The following RPTOR variants were observed in gnomAD, a reference collection of about 807,000 sequenced individuals.
RPTOR encodes regulatory associated protein of MTOR complex 1.
In RPTOR, 21 loss-of-function variants were observed where a neutral mutation model predicts 169.9. The ratio of observed to expected loss-of-function variants is 0.12; its 90% CI spans 0.09 to 0.18. The LOEUF (loss-of-function observed/expected upper bound fraction) is 0.18. Among genes scored for constraint, RPTOR ranks in the 10% least tolerant of loss-of-function variants. The pLI, the probability that RPTOR is intolerant of heterozygous loss-of-function variation, is 1.00. For synonymous variants in RPTOR, 732 were observed against 753.2 expected (o/e 0.97, Z 0.46); for missense variants, 1,133 against 1,855.9 (o/e 0.61, Z 7.16).
chr17:80,914,931 G>A (rs1448373755), intron 21 of RPTOR, among the ~76,000 whole-genome samples: 1 of 152,232 alleles, frequency 6.6e-6, no homozygotes, highest in Non-Finnish European at 1.5e-5. Context: ...GGAACTTTTA[G>A]TGCTTTTTCC....
chr17:80,764,117 G>GTTATT (rs71164002), intron 6 of RPTOR, among the ~76,000 whole-genome samples: 7,860 of 138,466 alleles, frequency 0.057, 320 homozygotes, highest in Non-Finnish European at 0.083. Flanking sequence ...GACTTCTTTT[G>GTTATT]TTATTTTATT....
At chr17:80,855,240 T>C (rs956123723) in intron 11 of RPTOR, among the ~76,000 whole-genome samples, 4 of 152,254 alleles carry the variant, frequency 2.6e-5, no homozygotes, top group African/African-American at 7.2e-5. Flanking sequence ...ATTTTCTACA[T>C]TGAGCATCTT....
At chr17:80,568,100 G>T (rs776953812) in intron 1 of RPTOR, among the ~76,000 whole-genome samples, 9 of 151,978 alleles carry the variant, frequency 5.9e-5, no homozygotes, top group Non-Finnish European at 8.8e-5. Flanking sequence ...GTAGAGATGG[G>T]ATCTTGCCAT....
rs2067710664 is a variant in RPTOR, at chr17:80,844,933, T to C, written c.1213-1540T>C. Among the ~76,000 whole-genome samples, 1 of 150,618 alleles carries C rather than the reference T, an allele frequency of 6.6e-6. No individual in the cohort carries two copies. Among genetic ancestry groups the C allele is most frequent in the African/African-American group, 2.4e-5 (1 of 40,928 alleles). ...TCCCCCCGAGCAAAATCAAACAACG[T>C]AGGGAAGAGAGGATAGTGGATGGGA... is the stretch of plus-strand genomic sequence containing the variant. On this transcript the variant is annotated intron_variant, in intron 10 of 33. Coordinates refer to ENST00000306801, the MANE Select transcript of RPTOR (RefSeq NM_020761.3). The surrounding 1 kb of genome is among the most constrained non-coding windows in gnomAD (Gnocchi z 4.7).
rs1359377461 is a variant in RPTOR at position 80,659,901 on chromosome 17, G to T, written c.348+16091G>T. On this transcript the variant is annotated intron_variant, in intron 3 of 33. Transcript: ENST00000306801. This position sits in a 1 kb window ranked among gnomAD's most constrained non-coding sequence, Gnocchi z 4.3. ...GGGCTTAAGCAATCCTCCTGCCTTGGCCTCCCAAAGTGCTGGGATTTGAGC... is the reference window on the plus strand; with the variant it reads ...GGGCTTAAGCAATCCTCCTGCCTTGTCCTCCCAAAGTGCTGGGATTTGAGC... Among the ~76,000 whole-genome samples, 1 of 152,224 alleles carries T rather than the reference G, an allele frequency of 6.6e-6. No individual in the cohort carries two copies. The highest frequency in any genetic ancestry group is 1.9e-4 in the East Asian group (1 of 5,202).
chr17:80,922,969 T>A, intron 22 of RPTOR, 142 bp downstream of exon 22: 1 of 669,942 alleles, frequency 1.5e-6, no homozygotes, highest in South Asian at 1.9e-5. Context: ...CAGCGGGCGT[T>A]CTTTCCCTCT....
chr17:80,839,532 C>T (rs2067604083), intron 10 of RPTOR, among the ~76,000 whole-genome samples: 1 of 148,616 alleles, frequency 6.7e-6, no homozygotes, highest in South Asian at 2.2e-4. Flanking sequence ...GGCTTCTAGA[C>T]AAAGGCCTTC....
At chr17:80,783,966 A>T (rs2066966302) in intron 6 of RPTOR, among the ~76,000 whole-genome samples, 1 of 152,206 alleles carries the variant, frequency 6.6e-6, no homozygotes, top group South Asian at 2.1e-4. Context: ...GTTTTCTTCT[A>T]ATAATACTAA....
At chr17:80,703,467 A>C (rs1442250689) in intron 3 of RPTOR, among the ~76,000 whole-genome samples, 1 of 152,194 alleles carries the variant, frequency 6.6e-6, no homozygotes, top group African/African-American at 2.4e-5. Flanking sequence ...GTTCCTGATA[A>C]ACGTGAGCTC....
At chr17:80,896,310 C>G (rs112997437) in intron 20 of RPTOR, among the ~76,000 whole-genome samples, 21 of 151,540 alleles carry the variant, frequency 1.4e-4, no homozygotes, top group Non-Finnish European at 2.8e-4. Flanking sequence ...AGTGGGGGCT[C>G]CATTCTTAGC....
At chr17:80,735,642 T>C (rs536013259) in intron 5 of RPTOR, among the ~76,000 whole-genome samples, 11 of 152,216 alleles carry the variant, frequency 7.2e-5, no homozygotes, top group African/African-American at 2.4e-4. Flanking sequence ...TAGGCGAGTT[T>C]CTCCTCTTTT....
chr17:80,703,549 C>A (rs1412823267), intron 3 of RPTOR, among the ~76,000 whole-genome samples: 2 of 151,994 alleles, frequency 1.3e-5, no homozygotes, highest in Non-Finnish European at 2.9e-5. Flanking sequence ...TGTGTGAGAC[C>A]CAGGAGGATC....
intron 1 of RPTOR, among the ~76,000 whole-genome samples, chr17:80,618,529 C>T (rs1188310936): frequency 2.6e-5 from 4 of 152,148 alleles, no homozygotes; most frequent in Admixed American, 2.0e-4. Context: ...CTCACGTGTG[C>T]GAAGGTCGCC....
At chr17:80,879,495 C>T (rs1567964273) in intron 13 of RPTOR, among the ~76,000 whole-genome samples, 1 of 151,354 alleles carries the variant, frequency 6.6e-6, no homozygotes, top group African/African-American at 2.4e-5. Flanking sequence ...TCTTTTCCCT[C>T]GATCCCACCC....
intron 1 of RPTOR, among the ~76,000 whole-genome samples, chr17:80,560,296 G>C (rs1173945211): frequency 6.6e-6 from 1 of 152,240 alleles, no homozygotes; most frequent in African/African-American, 2.4e-5. Context: ...GGTTGCGGGA[G>C]CAGGGCGGAG....
At chr17:80,565,127 TGA>T (rs1483645851) in intron 1 of RPTOR, among the ~76,000 whole-genome samples, 1 of 152,198 alleles carries the variant, frequency 6.6e-6, no homozygotes, top group East Asian at 1.9e-4. Flanking sequence ...TAGCTTTGTG[TGA>T]GAGTCCCAGT....
At chr17:80,582,606 C>T (rs910992002) in intron 1 of RPTOR, among the ~76,000 whole-genome samples, 54 of 136,718 alleles carry the variant, frequency 3.9e-4, no homozygotes, top group South Asian at 2.3e-4. Context: ...AGTGCAATGG[C>T]GTGATCTCGG....
At chr17:80,731,431 A>G (rs540170979) in intron 5 of RPTOR, among the ~76,000 whole-genome samples, 1 of 152,244 alleles carries the variant, frequency 6.6e-6, no homozygotes, top group South Asian at 2.1e-4. Context: ...GAAAACCACT[A>G]AGCTAAAATG....
In RPTOR at chr17:80,646,625, A is replaced by G. The variant is rs1724914722; in HGVS notation, c.348+2815A>G. On this transcript the variant is annotated intron_variant, in intron 3 of 33. Coordinates refer to ENST00000306801, the MANE Select transcript of RPTOR (RefSeq NM_020761.3). This position sits in a 1 kb window ranked among gnomAD's most constrained non-coding sequence, Gnocchi z 5.0. ...AACATTGCAAGGCTAAACACGCACCACTTGATTGCACTCTACAGGGCTCTT... is the reference window on the plus strand; with the variant it reads ...AACATTGCAAGGCTAAACACGCACCGCTTGATTGCACTCTACAGGGCTCTT... Among the ~76,000 whole-genome samples, 1 of 152,170 alleles carries G rather than the reference A, an allele frequency of 6.6e-6. No homozygotes were observed.
Sources: gnomAD v4.1 joint callset for allele counts (sites outside exome capture counted in the v4.1 genomes callset) on GRCh38, gnomAD v4.1.1 for gene constraint, Gnocchi (gnomAD v3.1) non-coding constraint, MANE v1.5 for transcripts, NCBI Gene and HGNC (gene_info 2026-07-23, HGNC 2026-07-21) for gene names.